MOSMO: variants seen among roughly 807,000 people sequenced by gnomAD.
MOSMO encodes the protein modulator of smoothened protein.
A neutral mutation model predicts 18.4 loss-of-function variants in MOSMO; 5 were observed. The ratio of observed to expected loss-of-function variants is 0.27; its 90% CI spans 0.14 to 0.57. The LOEUF (loss-of-function observed/expected upper bound fraction) is 0.57, where lower values mean the gene tolerates loss of function less well. Among genes scored for constraint, MOSMO ranks in the 20% least tolerant of loss-of-function variants. The pLI is 0.92. For missense variants in MOSMO, 138 were observed against 211.8 expected, an observed-to-expected ratio of 0.65 and a Z score of 2.16; for synonymous variants, 82 against 82.3, an observed-to-expected ratio of 1.00 and a Z score of 0.02.
chr16:22,015,625 A>C (rs1899621331), intron 1 of MOSMO, among the ~76,000 whole-genome samples: 1 of 152,240 alleles, frequency 6.6e-6, no homozygotes. Context: ...GTCTTTTTAC[A>C]GTACTCACAG....
chr16:22,079,823 G>T (rs186157494), intron 2 of MOSMO, among the ~76,000 whole-genome samples: 5 of 152,188 alleles, frequency 3.3e-5, no homozygotes, highest in Admixed American at 6.5e-5. Flanking sequence ...TCAGTCTGTT[G>T]CCCAGGCTGG....
chr16:22,073,967 G>C (rs970466483), intron 1 of MOSMO, among the ~76,000 whole-genome samples: 1 of 152,094 alleles, frequency 6.6e-6, no homozygotes, highest in Non-Finnish European at 1.5e-5. Context: ...TTAGCATTTG[G>C]GGGAGGACTC....
intron 1 of MOSMO, among the ~76,000 whole-genome samples, chr16:22,058,359 G>A (rs756684217): frequency 1.3e-5 from 2 of 151,632 alleles, no homozygotes; most frequent in Non-Finnish European, 2.9e-5. Flanking sequence ...CCAGGAGGCG[G>A]AGGTTGCAGT....
At chr16:22,043,159 T>A (rs1053378902) in intron 1 of MOSMO, among the ~76,000 whole-genome samples, 1 of 152,154 alleles carries the variant, frequency 6.6e-6, no homozygotes, top group Non-Finnish European at 1.5e-5. Context: ...ATATGGAAAA[T>A]TTTTCATCTG....
intron 1 of MOSMO, among the ~76,000 whole-genome samples, chr16:22,034,408 A>G (rs1029127343): frequency 3.3e-5 from 5 of 152,218 alleles, no homozygotes; most frequent in African/African-American, 4.8e-5. Context: ...TCTGGTGAAG[A>G]ATTCTCTCAA....
intron 1 of MOSMO, among the ~76,000 whole-genome samples, chr16:22,016,705 T>G (rs1264711850): frequency 6.6e-6 from 1 of 152,208 alleles, no homozygotes; most frequent in Non-Finnish European, 1.5e-5. Context: ...CCTGTCCTAC[T>G]ATTTACGAGC....
intron 1 of MOSMO, among the ~76,000 whole-genome samples, chr16:22,015,254 T>G (rs1233773172): frequency 6.6e-6 from 1 of 151,230 alleles, no homozygotes; most frequent in Non-Finnish European, 1.5e-5. Context: ...TGTTATGACT[T>G]TTTTTTTTCT....
chr16:22,069,077 A>G (rs563996250), intron 1 of MOSMO, among the ~76,000 whole-genome samples: 1 of 152,238 alleles, frequency 6.6e-6, no homozygotes, highest in African/African-American at 2.4e-5. Context: ...CAGGTTCAGT[A>G]AGGAGATACA....
At chr16:22,076,443 G>A (rs1411061941) in intron 2 of MOSMO, 1 of 152,192 alleles carries the variant, frequency 6.6e-6, no homozygotes, top group African/African-American at 2.4e-5. Context: ...GGATGCTGGT[G>A]GGTAGAGGCA....
intron 1 of MOSMO, 129 bp from the exon 2 acceptor site, chr16:22,075,358 G>A (rs993602992): frequency 1.4e-6 from 1 of 733,444 alleles, no homozygotes; most frequent in Admixed American, 2.0e-5. Flanking sequence ...TGAAGAGTAG[G>A]ACTTAGGATG....
At chr16:22,024,153 T>C (rs1056635241) in intron 1 of MOSMO, among the ~76,000 whole-genome samples, 7 of 151,974 alleles carry the variant, frequency 4.6e-5, no homozygotes, top group Admixed American at 4.6e-4. Flanking sequence ...ATCTAGATCT[T>C]CTAGACAGTT....
chr16:22,088,150 A>G (rs894246773), downstream of MOSMO, among the ~76,000 whole-genome samples: 1 of 152,042 alleles, frequency 6.6e-6, no homozygotes, highest in Non-Finnish European at 1.5e-5. Context: ...CAGCCTCCCA[A>G]GTAGCTGGGA....
chr16:22,056,939 A>G (rs966766109), intron 1 of MOSMO, among the ~76,000 whole-genome samples: 5 of 152,242 alleles, frequency 3.3e-5, no homozygotes, highest in African/African-American at 1.2e-4. Context: ...TCCCTAAAAT[A>G]TAGCATGTTT....
At chr16:22,078,688 A>G (rs765630052) in intron 2 of MOSMO, among the ~76,000 whole-genome samples, 6 of 152,208 alleles carry the variant, frequency 3.9e-5, no homozygotes, top group Non-Finnish European at 8.8e-5. Context: ...TTGTTTTACA[A>G]CAATAATTTT....
rs1353341401 is a variant in MOSMO, at chr16:22,009,492, CCT to C, written c.106+1090_106+1091del. ...CTCTTCTCCCTCCCCTCTTCCCCCGCCTCTCTTTCTCCCTCTCTCCCAGACCT... is the reference window on the plus strand; with the variant it reads ...CTCTTCTCCCTCCCCTCTTCCCCCGCCTCTTTCTCCCTCTCTCCCAGACCT... On this transcript the variant is annotated intron_variant, in intron 1 of 2. Transcript: ENST00000542527. Among the ~76,000 whole-genome samples the C allele has an allele frequency of 3.3e-5, 5 of 152,184 alleles. No individual in the cohort carries two copies. The East Asian group carries it at 9.7e-4, about 29-fold the overall frequency.
intron 1 of MOSMO, among the ~76,000 whole-genome samples, chr16:22,025,854 G>A (rs149759051): frequency 7.2e-5 from 11 of 152,262 alleles, no homozygotes; most frequent in Middle Eastern, 3.4e-3. Flanking sequence ...ATAGTGTGCT[G>A]TTTCTGATGA....
At chr16:22,047,218 T>G (rs1007043367) in intron 1 of MOSMO, among the ~76,000 whole-genome samples, 1 of 151,662 alleles carries the variant, frequency 6.6e-6, no homozygotes, top group East Asian at 1.9e-4. Flanking sequence ...TTTAGTATTC[T>G]ATACTGTTTA....
chr16:22,016,389 C>T (rs1415072100), intron 1 of MOSMO, among the ~76,000 whole-genome samples: 1 of 152,042 alleles, frequency 6.6e-6, no homozygotes, highest in Non-Finnish European at 1.5e-5. Context: ...TTAGTGTTTC[C>T]CTTTTGTACT....
chr16:22,048,781 TTTTC>T (rs1900365226), intron 1 of MOSMO, among the ~76,000 whole-genome samples: 1 of 152,196 alleles, frequency 6.6e-6, no homozygotes, highest in African/African-American at 2.4e-5. Flanking sequence ...GGGTTCAGGG[TTTTC>T]TTTCTTACAT....
Sources: gnomAD v4.1 joint callset for allele counts (sites outside exome capture counted in the v4.1 genomes callset) on GRCh38, gnomAD v4.1.1 for gene constraint, MANE v1.5 for transcripts, NCBI Gene and HGNC (gene_info 2026-07-23, HGNC 2026-07-21) for gene names.